SMCHD1: variants seen among roughly 807,000 people sequenced by gnomAD.
SMCHD1 encodes the protein structural maintenance of chromosomes flexible hinge domain containing 1, also known as structural maintenance of chromosomes flexible hinge domain-containing protein 1.
SMCHD1 carries 78 observed loss-of-function variants against 254.7 expected under a neutral mutation model. The ratio of observed to expected loss-of-function variants is 0.31; its 90% CI spans 0.26 to 0.37. The LOEUF (loss-of-function observed/expected upper bound fraction) is 0.37. Ranked by LOEUF, SMCHD1 falls within the 10% of genes least tolerant of loss-of-function variation. SMCHD1 has a pLI of 1.00. For missense variants in SMCHD1, 1,840 were observed against 2,408.1 expected (o/e 0.76, Z 4.94); for synonymous variants, 766 against 794.9 (o/e 0.96, Z 0.61).
At chr18:2,661,647 C>G (rs981213842) in intron 1 of SMCHD1, among the ~76,000 whole-genome samples, 2 of 152,020 alleles carry the variant, frequency 1.3e-5, no homozygotes, top group East Asian at 3.9e-4. Flanking sequence ...ACTATTTGCT[C>G]CAGTGCAGGA....
At position 2,780,365 on chromosome 18, in the gene SMCHD1, G is replaced by A. The variant is rs182886946; in HGVS notation, c.5547+2126G>A. ...AATGGTATTTGGCATCTTCATGAACGTTTCCTTGTAAACCTAATATTAAGT... is the reference window on the plus strand; with the variant it reads ...AATGGTATTTGGCATCTTCATGAACATTTCCTTGTAAACCTAATATTAAGT... On this transcript the variant is annotated intron_variant, in intron 44 of 47. Transcript: ENST00000320876. Among the ~76,000 whole-genome samples the A allele has an allele frequency of 3.4e-4, 51 of 150,906 alleles. 1 individual carries two copies. Among genetic ancestry groups the A allele is most frequent in the African/African-American group, 1.2e-3 (48 of 41,082 alleles).
intron 47 of SMCHD1, among the ~76,000 whole-genome samples, chr18:2,798,989 G>A (rs1217121322): frequency 6.6e-6 from 1 of 152,158 alleles, no homozygotes; most frequent in South Asian, 2.1e-4. Flanking sequence ...TTAAGATTTT[G>A]TAGCAATTCA....
intron 5 of SMCHD1, among the ~76,000 whole-genome samples, chr18:2,679,334 G>C (rs1220190962): frequency 2.0e-5 from 3 of 149,810 alleles, no homozygotes; most frequent in African/African-American, 7.3e-5. Flanking sequence ...AAATTAGCAG[G>C]GCGTGGTGGC....
At chr18:2,673,546 T>G (rs1308548285) in intron 4 of SMCHD1, among the ~76,000 whole-genome samples, 183 bp downstream of exon 4, 2 of 152,218 alleles carry the variant, frequency 1.3e-5, no homozygotes, top group Non-Finnish European at 2.9e-5. Flanking sequence ...CATGTATATG[T>G]ACCTTTGGTT....
At chr18:2,687,674 C>T (rs896952323) in intron 5 of SMCHD1, among the ~76,000 whole-genome samples, 2 of 152,084 alleles carry the variant, frequency 1.3e-5, no homozygotes, top group African/African-American at 2.4e-5. Flanking sequence ...TAATCTTGTG[C>T]CAGATATTTT....
At chr18:2,717,122 C>T (rs913174515) in intron 17 of SMCHD1, among the ~76,000 whole-genome samples, 6 of 152,122 alleles carry the variant, frequency 3.9e-5, no homozygotes, top group African/African-American at 9.7e-5. Flanking sequence ...GACTTAGGAT[C>T]GGGAATGGCT....
chr18:2,758,110 G>GT (rs1568323623), intron 34 of SMCHD1, among the ~76,000 whole-genome samples: 1 of 151,922 alleles, frequency 6.6e-6, no homozygotes, highest in East Asian at 1.9e-4. Flanking sequence ...TGGCATTATC[G>GT]TTTTTTTCCT....
At chr18:2,757,183 T>G (rs879400355) in intron 34 of SMCHD1, among the ~76,000 whole-genome samples, 5 of 152,182 alleles carry the variant, frequency 3.3e-5, no homozygotes, top group Admixed American at 3.3e-4. Context: ...TATTTTATTT[T>G]TATTAGTATT....
intron 12 of SMCHD1, among the ~76,000 whole-genome samples, chr18:2,703,117 A>C (rs915835689): frequency 3.9e-5 from 6 of 152,226 alleles, no homozygotes; most frequent in African/African-American, 1.4e-4. Flanking sequence ...GAAAATTAAA[A>C]AGAAAAGTAC....
At position 2,743,946 on chromosome 18, in the gene SMCHD1, T is replaced by C. The variant is rs1191159371; in HGVS notation, c.3801+18T>C. ...TAAAGGAGGTAAGTCACTTCATGTC[T>C]TCACTGAAAGAATTTAATATCATAT... On this transcript the variant is annotated intron_variant, in intron 29 of 47. Transcript: ENST00000320876. 1.9e-6 allele frequency: 3 copies of C among 1,571,614 alleles called. No homozygotes were observed. The highest frequency in any genetic ancestry group is 1.4e-5 in the African/African-American group (1 of 73,164).
At chr18:2,694,500 C>G in intron 7 of SMCHD1, 27 bp from the exon 8 acceptor site, 1 of 1,479,778 alleles carries the variant, frequency 6.8e-7, no homozygotes. Flanking sequence ...ATGATTTAAT[C>G]TGTTGTATTT....
rs753398484 is a variant in SMCHD1 at position 2,750,524 on chromosome 18, CA to C, written c.4165+18del. 2.6e-6 allele frequency: 4 copies of C among 1,561,170 alleles called. No homozygotes were observed. Reference sequence around the variant, plus strand: ...TTTTCACTGGTGAGTATTTCACATACATAAATAAATCTATAATGATAATTTG... The same window carrying C: ...TTTTCACTGGTGAGTATTTCACATACTAAATAAATCTATAATGATAATTTG... On this transcript the variant is annotated intron_variant, in intron 32 of 47. Coordinates refer to ENST00000320876, the MANE Select transcript of SMCHD1 (RefSeq NM_015295.3).
At chr18:2,754,111 C>T (rs2075627865) in intron 34 of SMCHD1, among the ~76,000 whole-genome samples, 1 of 152,098 alleles carries the variant, frequency 6.6e-6, no homozygotes, top group Non-Finnish European at 1.5e-5. Flanking sequence ...TATCCTGTGG[C>T]TTGCTTTCTC....
intron 37 of SMCHD1, among the ~76,000 whole-genome samples, chr18:2,767,362 T>C (rs1276000774): frequency 6.6e-6 from 1 of 152,104 alleles, no homozygotes; most frequent in African/African-American, 2.4e-5. Flanking sequence ...TAATCAGGTT[T>C]ATTATCTGAT....
At chr18:2,685,740 C>G (rs2074036974) in intron 5 of SMCHD1, among the ~76,000 whole-genome samples, 1 of 152,134 alleles carries the variant, frequency 6.6e-6, no homozygotes, top group South Asian at 2.1e-4. Context: ...TCATGTGTGA[C>G]TTATTTCACT....
intron 44 of SMCHD1, among the ~76,000 whole-genome samples, chr18:2,782,732 G>A (rs201570854): frequency 2.1e-4 from 21 of 101,104 alleles, no homozygotes; most frequent in African/African-American, 3.3e-4. Context: ...GCAACAGAGC[G>A]AGACCACAAC....
In SMCHD1 at chr18:2,764,934, G is replaced by A. The variant is rs191649648; in HGVS notation, c.4719+1145G>A. On this transcript the variant is annotated intron_variant, in intron 37 of 47. Transcript: ENST00000320876. ...GGATATGCATATTTTAAGCCTTTTG[G>A]TAGTTACTGCCAGTGCTCTTCAGTT... Among the ~76,000 whole-genome samples, 165 of 152,230 alleles carry A rather than the reference G, an allele frequency of 1.1e-3. No individual in the cohort carries two copies. In the Middle Eastern group the frequency reaches 0.014, roughly 13 times the overall value.
intron 34 of SMCHD1, among the ~76,000 whole-genome samples, chr18:2,759,811 C>A (rs767542078): frequency 9.9e-5 from 15 of 152,008 alleles, no homozygotes; most frequent in Middle Eastern, 3.2e-3. Flanking sequence ...CTCAAGTGAT[C>A]CGCCTGCCTC....
At chr18:2,728,882 A>T (rs377458611) in intron 23 of SMCHD1, 1 of 272,364 alleles carries the variant, frequency 3.7e-6, no homozygotes, top group African/African-American at 2.2e-5. Context: ...AAAGACAAAA[A>T]TGTCTTTCAG....
Sources: gnomAD v4.1 joint callset for allele counts (sites outside exome capture counted in the v4.1 genomes callset) on GRCh38, gnomAD v4.1.1 for gene constraint, MANE v1.5 for transcripts, NCBI Gene and HGNC (gene_info 2026-07-23, HGNC 2026-07-21) for gene names.